The following DPYSL3 variants were observed in gnomAD, a reference collection of about 807,000 sequenced individuals.
The protein encoded by DPYSL3 is dihydropyrimidinase-related protein 3.
Under a neutral mutation model 66.1 loss-of-function variants are expected in DPYSL3, and 16 were observed. The observed-to-expected ratio is 0.24, with a 90% CI of 0.16 to 0.37. The LOEUF (loss-of-function observed/expected upper bound fraction) is 0.37, where lower values mean the gene tolerates loss of function less well. DPYSL3 is among the 10% of genes least tolerant of loss of function. The probability of loss-of-function intolerance (pLI) is 1.00; values close to 1 mark genes in which losing one functional copy is unlikely to be tolerated. For missense variants in DPYSL3, 738 were observed against 916.2 expected, an observed-to-expected ratio of 0.81 and a Z score of 2.51; for synonymous variants, 338 against 345.1, an observed-to-expected ratio of 0.98 and a Z score of 0.23.
intron 1 of DPYSL3, among the ~76,000 whole-genome samples, chr5:147,428,883 A>G (rs756282887): frequency 7.9e-5 from 12 of 152,160 alleles, no homozygotes; most frequent in Non-Finnish European, 1.6e-4. Context: ...ATGGGTTGAT[A>G]GATGCAGCAA....
chr5:147,454,410 AT>A (rs1051641765), intron 1 of DPYSL3: 5 of 152,214 alleles, frequency 3.3e-5, no homozygotes, highest in African/African-American at 1.2e-4. Flanking sequence ...GAACATACAC[AT>A]TAGAAAATGG....
intron 1 of DPYSL3, among the ~76,000 whole-genome samples, chr5:147,449,839 C>A (rs957658185): frequency 6.6e-6 from 1 of 152,196 alleles, no homozygotes; most frequent in African/African-American, 2.4e-5. Flanking sequence ...CAGAGGAAAA[C>A]AATAACTGTA....
At chr5:147,442,873 A>G (rs1164743866) in intron 1 of DPYSL3, among the ~76,000 whole-genome samples, 1 of 152,132 alleles carries the variant, frequency 6.6e-6, no homozygotes, top group East Asian at 1.9e-4. Flanking sequence ...GGGTATACTG[A>G]AAGTTTACAG....
At chr5:147,456,826 T>G (rs1338822710) in intron 1 of DPYSL3, among the ~76,000 whole-genome samples, 2 of 151,888 alleles carry the variant, frequency 1.3e-5, no homozygotes, top group Non-Finnish European at 2.9e-5. Flanking sequence ...CCTGACCTCA[T>G]GTGATCTGCT....
chr5:147,404,660 G>C (rs1758285368), intron 8 of DPYSL3, among the ~76,000 whole-genome samples: 1 of 152,186 alleles, frequency 6.6e-6, no homozygotes, highest in South Asian at 2.1e-4. Flanking sequence ...CTGAGGATGA[G>C]AACCAGAAAC....
chr5:147,409,007 A>G (rs1751785922), intron 6 of DPYSL3, among the ~76,000 whole-genome samples: 1 of 152,240 alleles, frequency 6.6e-6, no homozygotes, highest in African/African-American at 2.4e-5. Context: ...TTATTAGAAG[A>G]AAGATAGTTG....
At chr5:147,423,368 T>G (rs1454268376) in intron 2 of DPYSL3, among the ~76,000 whole-genome samples, 1 of 152,194 alleles carries the variant, frequency 6.6e-6, no homozygotes, top group Non-Finnish European at 1.5e-5. Context: ...GTTATTTGAC[T>G]AATACATTAA....
intron 1 of DPYSL3, among the ~76,000 whole-genome samples, chr5:147,488,459 T>C (rs950581329): frequency 2.0e-5 from 3 of 152,200 alleles, no homozygotes; most frequent in Non-Finnish European, 4.4e-5. Flanking sequence ...TTTTAGCCAG[T>C]GCCTTAAAAT....
rs558440117 is a variant in DPYSL3, at chr5:147,407,526, T to C, written c.1032+1202A>G. 2.0e-5 allele frequency among the ~76,000 whole-genome samples: 3 copies of C among 152,292 alleles called. No individual in the cohort carries two copies. The South Asian group carries it at 6.2e-4, about 32-fold the overall frequency. On this transcript the variant is annotated intron_variant, in intron 7 of 13. Coordinates refer to ENST00000343218, the MANE Select transcript of DPYSL3 (RefSeq NM_001197294.2). ...TCAAAAACAATGCTGATTACCCTGG[T>C]CTCTTCACGATGAGTAAACCATTTT...
At chr5:147,408,385 T>C (rs968545122) in intron 7 of DPYSL3, among the ~76,000 whole-genome samples, 1 of 152,138 alleles carries the variant, frequency 6.6e-6, no homozygotes, top group Non-Finnish European at 1.5e-5. Flanking sequence ...CAACATCTTA[T>C]CTATATGCCA....
chr5:147,473,218 G>A (rs1003016228), intron 1 of DPYSL3: 2 of 152,124 alleles, frequency 1.3e-5, no homozygotes, highest in African/African-American at 4.8e-5. Context: ...AATGTGAGAG[G>A]GCTCATTGTG....
In DPYSL3 at chr5:147,394,065, G is replaced by A. The variant is rs376767463; in HGVS notation, c.2025C>T (p.Gly675=). Residue 675 remains glycine (G), a synonymous_variant, in exon 14 of 14, where the codon GGC becomes GGT. Coordinates refer to ENST00000343218, the MANE Select transcript of DPYSL3 (RefSeq NM_001197294.2). The part of the protein sequence containing the change: ...SASKRIVAPP[G]GRSNITSLS ...TCAGAGATGTGATATTAGAACGGCCGCCTGGGGGCGCCACGATGCGCTTGC... is the reference window on the plus strand; with the variant it reads ...TCAGAGATGTGATATTAGAACGGCCACCTGGGGGCGCCACGATGCGCTTGC... 2.5e-6 allele frequency: 4 copies of A among 1,614,148 alleles called. No homozygotes were observed. The highest frequency in any genetic ancestry group is 4.5e-5 in the East Asian group (2 of 44,864).
chr5:147,404,181 G>A (rs1161096223), intron 8 of DPYSL3, among the ~76,000 whole-genome samples: 1 of 152,046 alleles, frequency 6.6e-6, no homozygotes, highest in Non-Finnish European at 1.5e-5. Flanking sequence ...CCTGGTTCTC[G>A]CCCAATGACT....
intron 1 of DPYSL3, among the ~76,000 whole-genome samples, chr5:147,440,069 G>A (rs1752504019): frequency 1.3e-5 from 2 of 152,130 alleles, no homozygotes; most frequent in African/African-American, 2.4e-5. Context: ...TTGGGAGGCC[G>A]AGGCAGGCAG....
intron 7 of DPYSL3, chr5:147,406,111 T>C (rs1352110611): frequency 6.4e-6 from 1 of 156,602 alleles, no homozygotes; most frequent in African/African-American, 2.4e-5. Flanking sequence ...CAAACCATTA[T>C]GTCTAAAATA....
rs1477077656 is a variant in DPYSL3, at chr5:147,391,389, A to G, written c.*2646T>C. 6.6e-6 allele frequency: 1 copy of G among 152,586 alleles called. No individual in the cohort carries two copies. Among genetic ancestry groups the G allele is most frequent in the Non-Finnish European group, 1.5e-5 (1 of 68,038 alleles). 9.5% of individuals were successfully genotyped at this position (152,586 alleles called of 1,614,324 possible). A position where few individuals can be genotyped will look rare whatever the true frequency, so the allele number is the denominator to read the frequency against. ...TAACAATTTCCCAAACACCCTTTCCACTACCCAAGCCCGTGGCCCTCAGAG... is the reference window on the plus strand; with the variant it reads ...TAACAATTTCCCAAACACCCTTTCCGCTACCCAAGCCCGTGGCCCTCAGAG... On this transcript the variant is annotated 3_prime_UTR_variant, in exon 14 of 14. Coordinates refer to ENST00000343218, the MANE Select transcript of DPYSL3 (RefSeq NM_001197294.2).
Position 147,400,788 on chromosome 5 carries a change from A to G in DPYSL3, c.1356T>C (p.Thr452=). ...TGTCCTTCCCAATTGCTTTCTGGGCAGTGCTGAAGGTGCAGTGGGCACTCC... is the reference window on the plus strand; with the variant it reads ...TGTCCTTCCCAATTGCTTTCTGGGCGGTGCTGAAGGTGCAGTGGGCACTCC... ...LSGSAHCTFS[T]AQKAIGKDNF... The change falls in exon 10 of 14, where the codon ACT becomes ACC. Residue 452 remains threonine, a synonymous_variant. Coordinates refer to ENST00000343218, the MANE Select transcript of DPYSL3 (RefSeq NM_001197294.2). 6.2e-7 allele frequency: 1 copy of G among 1,614,194 alleles called. No homozygotes were observed. The highest frequency in any genetic ancestry group is 1.3e-5 in the African/African-American group (1 of 75,068).
intron 1 of DPYSL3, among the ~76,000 whole-genome samples, chr5:147,497,912 CTCTT>C (rs1360590327): frequency 6.6e-6 from 1 of 151,762 alleles, no homozygotes; most frequent in Non-Finnish European, 1.5e-5. Context: ...CTCTCTCTCT[CTCTT>C]TCTCTCTCTC....
chr5:147,407,654 TGA>T (rs1751731129), intron 7 of DPYSL3, among the ~76,000 whole-genome samples: 1 of 152,134 alleles, frequency 6.6e-6, no homozygotes, highest in Middle Eastern at 3.2e-3. Context: ...CAGCGAGAAC[TGA>T]GATAACGTAT....
Sources: gnomAD v4.1 joint callset for allele counts (sites outside exome capture counted in the v4.1 genomes callset) on GRCh38, gnomAD v4.1.1 for gene constraint, MANE v1.5 for transcripts, NCBI Gene and HGNC (gene_info 2026-07-23, HGNC 2026-07-21) for gene names.